PTPRK: variants seen among roughly 807,000 people sequenced by gnomAD.
PTPRK encodes the protein protein tyrosine phosphatase receptor type K, also known as receptor-type tyrosine-protein phosphatase kappa.
In PTPRK, 75 loss-of-function variants were observed where a neutral mutation model predicts 178.0. The observed-to-expected ratio is 0.42, with a 90% CI of 0.35 to 0.51. PTPRK has a LOEUF of 0.51. Ranked by LOEUF, PTPRK falls within the 20% of genes least tolerant of loss-of-function variation. The pLI is 0.02. For missense variants in PTPRK, 1,441 were observed against 1,797.8 expected (o/e 0.80, Z 3.59); for synonymous variants, 637 against 620.6 (o/e 1.03, Z -0.39).
chr6:128,397,265 A>AT (rs958775563), intron 2 of PTPRK, among the ~76,000 whole-genome samples: 88 of 150,938 alleles, frequency 5.8e-4, no homozygotes, highest in Middle Eastern at 3.5e-3. Flanking sequence ...TTTGGAAAGG[A>AT]TTTTTTTTTG....
At chr6:128,451,312 C>T (rs1249188412) in intron 1 of PTPRK, among the ~76,000 whole-genome samples, 1 of 152,104 alleles carries the variant, frequency 6.6e-6, no homozygotes, top group East Asian at 1.9e-4. Context: ...ACAAAAAACA[C>T]CAATCTATTT....
At chr6:128,115,952 T>G (rs1179860560) in intron 7 of PTPRK, among the ~76,000 whole-genome samples, 1 of 152,204 alleles carries the variant, frequency 6.6e-6, no homozygotes, top group South Asian at 2.1e-4. Flanking sequence ...CATTCACAAG[T>G]AAACACCCTC....
At chr6:128,318,253 A>G (rs1468661768) in intron 3 of PTPRK, among the ~76,000 whole-genome samples, 1 of 152,146 alleles carries the variant, frequency 6.6e-6, no homozygotes, top group East Asian at 1.9e-4. Context: ...CTTTTTATTC[A>G]AGTAAAAATG....
At chr6:128,244,230 T>C (rs1815040102) in intron 3 of PTPRK, among the ~76,000 whole-genome samples, 1 of 152,146 alleles carries the variant, frequency 6.6e-6, no homozygotes, top group South Asian at 2.1e-4. Context: ...GCTTAAGTAA[T>C]AACTAGATAG....
intron 13 of PTPRK, among the ~76,000 whole-genome samples, chr6:128,030,613 A>G (rs1040906513): frequency 1.3e-5 from 2 of 152,190 alleles, no homozygotes; most frequent in Non-Finnish European, 2.9e-5. Context: ...CAAAGCCTTT[A>G]TATGCGTGAC....
At chr6:128,485,680 T>C (rs1852721777) in intron 1 of PTPRK, among the ~76,000 whole-genome samples, 1 of 152,124 alleles carries the variant, frequency 6.6e-6, no homozygotes. Flanking sequence ...GAGTAGCTCT[T>C]CTAAGGGGAC....
intron 15 of PTPRK, 96 bp downstream of exon 15, chr6:128,004,988 T>G (rs2114704622): frequency 9.3e-7 from 1 of 1,073,714 alleles, no homozygotes; most frequent in Non-Finnish European, 1.3e-6. Context: ...CTCCCCTCAC[T>G]TTCCTACTCT....
In PTPRK at chr6:127,981,139, A is replaced by T; in HGVS notation, c.3688T>A (p.Tyr1230Asn). 6.2e-7 allele frequency: 1 copy of T among 1,614,006 alleles called. No individual in the cohort carries two copies. Among genetic ancestry groups the T allele is most frequent in the East Asian group, 2.2e-5 (1 of 44,860 alleles). Residue 1230 changes from tyrosine (Y) to asparagine (N), a missense_variant, in exon 25 of 30, where the codon TAC becomes AAC. Transcript: ENST00000368226. ...LITIDGESSN[Y>N]INAALMDSYR... ...ACGTCCATAAGAGCAGCATTGATGT[A>T]GTTACTGCTCTCCCCATCAATTGTA...
chr6:128,200,769 T>A (rs762510819), intron 6 of PTPRK, among the ~76,000 whole-genome samples: 11 of 142,844 alleles, frequency 7.7e-5, no homozygotes, highest in Non-Finnish European at 1.5e-4. Flanking sequence ...AAATGAGAAG[T>A]CAATGGAGTG....
chr6:128,100,763 A>G (rs1293435229), intron 7 of PTPRK, among the ~76,000 whole-genome samples: 5 of 151,964 alleles, frequency 3.3e-5, no homozygotes, highest in Non-Finnish European at 7.4e-5. Flanking sequence ...TTGAAAAGGT[A>G]TTCAAAAGTA....
At chr6:128,230,398 G>A (rs1812098598) in intron 5 of PTPRK, among the ~76,000 whole-genome samples, 1 of 152,120 alleles carries the variant, frequency 6.6e-6, no homozygotes, top group African/African-American at 2.4e-5. Context: ...AAAACTACAA[G>A]GGTTAAAATT....
chr6:128,343,224 C>T (rs528537374), intron 2 of PTPRK, among the ~76,000 whole-genome samples: 30 of 152,046 alleles, frequency 2.0e-4, no homozygotes, highest in African/African-American at 6.0e-4. Flanking sequence ...AAGAATCAGC[C>T]GGGCGCAGTG....
chr6:128,156,735 C>A (rs1225069399), intron 7 of PTPRK, among the ~76,000 whole-genome samples: 1 of 151,862 alleles, frequency 6.6e-6, no homozygotes, highest in East Asian at 1.9e-4. Context: ...AAGAAAATAA[C>A]CTTTATTTAA....
At position 127,970,076 on chromosome 6, in the gene PTPRK, T is replaced by G; in HGVS notation, c.*151A>C. 1 of 541,228 alleles carries G rather than the reference T, an allele frequency of 1.8e-6. No individual in the cohort carries two copies. The highest frequency in any genetic ancestry group is 3.2e-6 in the Non-Finnish European group (1 of 310,988). The allele number at this position is 541,228 out of a possible 1,614,324, so 33.5% of individuals were successfully genotyped here. A position where few individuals can be genotyped will look rare whatever the true frequency, so the allele number is the denominator to read the frequency against. ...AGTCCTTTTTATTAAGATACACAAC[T>G]TCATAAAAAAAATACTTTTACCTCT... On this transcript the variant is annotated 3_prime_UTR_variant, in exon 30 of 30. Coordinates refer to ENST00000368226, the MANE Select transcript of PTPRK (RefSeq NM_002844.4).
intron 1 of PTPRK, among the ~76,000 whole-genome samples, chr6:128,442,744 T>C (rs1167557345): frequency 6.6e-6 from 1 of 152,212 alleles, no homozygotes; most frequent in African/African-American, 2.4e-5. Context: ...GCCTCTACTA[T>C]ATCCTGAGCA....
intron 1 of PTPRK, among the ~76,000 whole-genome samples, chr6:128,407,323 A>C (rs1841774927): frequency 6.6e-6 from 1 of 152,154 alleles, no homozygotes; most frequent in African/African-American, 2.4e-5. Flanking sequence ...CAAACTTGAA[A>C]TATTCTGATC....
chr6:128,297,213 A>T (rs1157639853), intron 3 of PTPRK, among the ~76,000 whole-genome samples: 1 of 152,232 alleles, frequency 6.6e-6, no homozygotes, highest in African/African-American at 2.4e-5. Context: ...AGGAGCACCC[A>T]GATTCATAAA....
intron 2 of PTPRK, among the ~76,000 whole-genome samples, chr6:128,330,391 A>T (rs544718241): frequency 6.6e-6 from 1 of 151,718 alleles, no homozygotes; most frequent in South Asian, 2.1e-4. Context: ...TATTTTTTTC[A>T]TCTGATTAAG....
At chr6:128,000,123 A>G in intron 15 of PTPRK, 1 of 984,182 alleles carries the variant, frequency 1.0e-6, no homozygotes, top group Non-Finnish European at 1.2e-6. Context: ...TTTGAAAAGC[A>G]TTATACCGTC....
Sources: gnomAD v4.1 joint callset for allele counts (sites outside exome capture counted in the v4.1 genomes callset) on GRCh38, gnomAD v4.1.1 for gene constraint, MANE v1.5 for transcripts, NCBI Gene and HGNC (gene_info 2026-07-23, HGNC 2026-07-21) for gene names.